The following FAM227B variants were observed in gnomAD, a reference collection of about 807,000 sequenced individuals.
The protein encoded by FAM227B is protein FAM227B.
In FAM227B, 88 loss-of-function variants were observed where a neutral mutation model predicts 73.8. The observed-to-expected ratio is 1.19, with a 90% confidence interval of 1.00 to 1.42. FAM227B has a LOEUF of 1.42. FAM227B is among the 40% of genes most tolerant of loss of function. The probability of loss-of-function intolerance (pLI) is 0.00; values close to 1 mark genes in which losing one functional copy is unlikely to be tolerated. For missense variants in FAM227B, 632 were observed against 590.9 expected (o/e 1.07, Z -0.72); for synonymous variants, 210 against 190.5 (o/e 1.10, Z -0.84).
At chr15:49,515,701 T>C (rs905374878) in intron 10 of FAM227B, among the ~76,000 whole-genome samples, 1 of 152,200 alleles carries the variant, frequency 6.6e-6, no homozygotes, top group African/African-American at 2.4e-5. Context: ...TAGTACTGCA[T>C]ATGCTTCAAA....
intron 13 of FAM227B, among the ~76,000 whole-genome samples, chr15:49,337,238 G>T (rs1428764485): frequency 6.6e-6 from 1 of 152,182 alleles, no homozygotes; most frequent in African/African-American, 2.4e-5. Flanking sequence ...TTGAACGGTA[G>T]TTCTGTTTTA....
chr15:49,342,894 G>A (rs2040947257), intron 13 of FAM227B, among the ~76,000 whole-genome samples: 2 of 152,154 alleles, frequency 1.3e-5, no homozygotes, highest in African/African-American at 4.8e-5. Context: ...TGAGAAGTCT[G>A]CTGTAGCCTG....
At chr15:49,581,053 A>G (rs573304531) in intron 5 of FAM227B, among the ~76,000 whole-genome samples, 15 of 152,348 alleles carry the variant, frequency 9.8e-5, no homozygotes, top group African/African-American at 3.6e-4. Context: ...AACATATTTC[A>G]GGACATCATC....
intron 10 of FAM227B, among the ~76,000 whole-genome samples, chr15:49,523,279 A>C (rs1428156789): frequency 6.6e-6 from 1 of 152,088 alleles, no homozygotes; most frequent in Non-Finnish European, 1.5e-5. Flanking sequence ...GGAGGGTTGC[A>C]GTGGGAAGTA....
chr15:49,584,931 C>A (rs2076052902), intron 5 of FAM227B, among the ~76,000 whole-genome samples: 1 of 151,936 alleles, frequency 6.6e-6, no homozygotes, highest in South Asian at 2.1e-4. Context: ...AAAATTTTTG[C>A]AACCTACTCA....
chr15:49,401,729 T>C (rs1314241615), intron 11 of FAM227B, among the ~76,000 whole-genome samples: 1 of 134,770 alleles, frequency 7.4e-6, no homozygotes, highest in Non-Finnish European at 1.6e-5. Context: ...GAAATCATCA[T>C]TCTCAGTAAA....
At chr15:49,366,358 A>G (rs1236434724) in intron 13 of FAM227B, 15 of 788,096 alleles carry the variant, frequency 1.9e-5, no homozygotes, top group Non-Finnish European at 3.5e-5. Context: ...ACATTGCTTC[A>G]GCACCTCTTT....
At chr15:49,596,297 G>T (rs1226514745) in intron 3 of FAM227B, among the ~76,000 whole-genome samples, 1 of 151,902 alleles carries the variant, frequency 6.6e-6, no homozygotes, top group Non-Finnish European at 1.5e-5. Flanking sequence ...AGAGACTGGG[G>T]TCCTACCTTT....
rs905764570 is a variant in FAM227B at position 49,467,722 on chromosome 15, A to G, written c.1012+40489T>C. 3.3e-5 allele frequency among the ~76,000 whole-genome samples: 5 copies of G among 152,184 alleles called. No individual in the cohort carries two copies. In the South Asian group the frequency reaches 1.0e-3, roughly 31 times the overall value. On this transcript the variant is annotated intron_variant, in intron 11 of 15. Coordinates refer to ENST00000299338, the MANE Select transcript of FAM227B (RefSeq NM_152647.3). Reference sequence around the variant, plus strand: ...TTGTCAGACAAATAATTCTTTCTGTATAAAAGTTTAGAATCTTTAGTGATT... The same window carrying G: ...TTGTCAGACAAATAATTCTTTCTGTGTAAAAGTTTAGAATCTTTAGTGATT...
intron 11 of FAM227B, among the ~76,000 whole-genome samples, chr15:49,374,811 T>C (rs1596671718): frequency 6.6e-6 from 1 of 152,336 alleles, no homozygotes; most frequent in Admixed American, 6.5e-5. Flanking sequence ...CCCAAAGTGG[T>C]AGGATTACAG....
At chr15:49,441,301 G>T (rs559912430) in intron 11 of FAM227B, among the ~76,000 whole-genome samples, 391 of 151,870 alleles carry the variant, frequency 2.6e-3, no homozygotes, top group Non-Finnish European at 4.8e-3. Context: ...ATTTAAGTCT[G>T]CAGTGTTATA....
At chr15:49,589,270 C>T (rs554241111) in intron 4 of FAM227B, among the ~76,000 whole-genome samples, 3 of 152,102 alleles carry the variant, frequency 2.0e-5, no homozygotes, top group African/African-American at 7.2e-5. Context: ...CTGTTCTATC[C>T]TGACCCTTAC....
At chr15:49,524,758 C>T (rs1378886648) in intron 10 of FAM227B, among the ~76,000 whole-genome samples, 1 of 152,226 alleles carries the variant, frequency 6.6e-6, no homozygotes, top group Non-Finnish European at 1.5e-5. Context: ...TGTGGAAGTC[C>T]ACCTCTTGCA....
chr15:49,488,825 GCA>G (rs1483487008), intron 11 of FAM227B: 5 of 151,952 alleles, frequency 3.3e-5, no homozygotes, highest in Non-Finnish European at 7.4e-5. Flanking sequence ...GCATGGTTCA[GCA>G]CAGTGTTTTT....
intron 13 of FAM227B, among the ~76,000 whole-genome samples, chr15:49,358,946 T>C (rs1596498411): frequency 1.4e-5 from 2 of 147,680 alleles, no homozygotes; most frequent in South Asian, 2.2e-4. Context: ...TATCTACAAC[T>C]ATCTGATCTT....
intron 10 of FAM227B, among the ~76,000 whole-genome samples, chr15:49,524,640 C>T (rs1268678477): frequency 1.3e-5 from 2 of 152,192 alleles, no homozygotes; most frequent in East Asian, 3.8e-4. Context: ...CCACTGACAG[C>T]CTTCACTGTG....
At chr15:49,531,330 G>A (rs1234039142) in intron 10 of FAM227B, among the ~76,000 whole-genome samples, 1 of 151,394 alleles carries the variant, frequency 6.6e-6, no homozygotes, top group Non-Finnish European at 1.5e-5. Flanking sequence ...GTAATGTACT[G>A]GATGTATATT....
intron 11 of FAM227B, among the ~76,000 whole-genome samples, chr15:49,444,399 T>C (rs543277343): frequency 5.9e-4 from 90 of 151,820 alleles, no homozygotes; most frequent in African/African-American, 2.1e-3. Flanking sequence ...TTTTATAGTA[T>C]GAAAAAGTAA....
chr15:49,572,191 T>C (rs148010702), intron 8 of FAM227B, among the ~76,000 whole-genome samples: 104 of 152,242 alleles, frequency 6.8e-4, no homozygotes, highest in Non-Finnish European at 1.3e-3. Flanking sequence ...TTTTTGAATG[T>C]TGATTTTGTA....
Sources: gnomAD v4.1 joint callset for allele counts (sites outside exome capture counted in the v4.1 genomes callset) on GRCh38, gnomAD v4.1.1 for gene constraint, MANE v1.5 for transcripts, NCBI Gene and HGNC (gene_info 2026-07-23, HGNC 2026-07-21) for gene names.